B3GALT1: variants seen among roughly 807,000 people sequenced by gnomAD.
B3GALT1 encodes beta-1,3-galactosyltransferase 1.
Under a neutral mutation model 23.2 loss-of-function variants are expected in B3GALT1, and 10 were observed. That is an observed-to-expected ratio of 0.43 (90% CI 0.27 to 0.73). B3GALT1 has a LOEUF of 0.73. Ranked by LOEUF, B3GALT1 falls within the 30% of genes least tolerant of loss-of-function variation. B3GALT1 has a pLI of 0.21. For synonymous variants in B3GALT1, 156 were observed against 141.5 expected (o/e 1.10, Z -0.73); for missense variants, 299 against 405.4 (o/e 0.74, Z 2.25).
intron 1 of B3GALT1, among the ~76,000 whole-genome samples, chr2:167,422,549 G>T (rs535312196): frequency 2.0e-5 from 3 of 152,278 alleles, no homozygotes; most frequent in East Asian, 3.9e-4. Flanking sequence ...TCTCTGCAGT[G>T]CAGGGCTCGC....
intron 3 of B3GALT1, among the ~76,000 whole-genome samples, chr2:167,653,344 C>T (rs987584882): frequency 4.6e-5 from 7 of 152,124 alleles, no homozygotes; most frequent in Admixed American, 2.6e-4. Context: ...TAATTTTAGT[C>T]TTCGGACTTA....
chr2:167,728,939 C>CT (rs920735094), intron 3 of B3GALT1, among the ~76,000 whole-genome samples: 32 of 152,096 alleles, frequency 2.1e-4, no homozygotes, highest in African/African-American at 6.8e-4. Context: ...AATGGAAATG[C>CT]TTTTTTTATC....
chr2:167,306,068 G>T (rs140244771), intron 1 of B3GALT1, among the ~76,000 whole-genome samples: 1 of 151,886 alleles, frequency 6.6e-6, no homozygotes, highest in African/African-American at 2.4e-5. Flanking sequence ...ACTGTCTAAT[G>T]CATTAATACT....
intron 3 of B3GALT1, among the ~76,000 whole-genome samples, chr2:167,677,457 T>C (rs952948573): frequency 2.0e-5 from 3 of 152,350 alleles, no homozygotes; most frequent in Admixed American, 1.3e-4. Flanking sequence ...CTCTAACCTT[T>C]TCTTCACAGT....
intron 2 of B3GALT1, among the ~76,000 whole-genome samples, chr2:167,512,135 A>G (rs562845722): frequency 6.6e-6 from 1 of 152,316 alleles, no homozygotes; most frequent in East Asian, 1.9e-4. Context: ...CAGTAAAAGT[A>G]TAATTTGAAG....
At chr2:167,608,796 A>G (rs10187562) in intron 2 of B3GALT1, among the ~76,000 whole-genome samples, 6,271 of 152,198 alleles carry the variant, frequency 0.041, 460 homozygotes, top group African/African-American at 0.14. Flanking sequence ...GAATTTTCCA[A>G]TTGTTTTTGG....
At chr2:167,310,522 A>T (rs906766709) in intron 1 of B3GALT1, among the ~76,000 whole-genome samples, 11 of 152,098 alleles carry the variant, frequency 7.2e-5, no homozygotes, top group Non-Finnish European at 1.2e-4. Flanking sequence ...AAAATCTTCC[A>T]GGCAGGGTTT....
At chr2:167,859,813 A>T (rs996401795) in intron 4 of B3GALT1, among the ~76,000 whole-genome samples, 1 of 152,202 alleles carries the variant, frequency 6.6e-6, no homozygotes, top group Non-Finnish European at 1.5e-5. Context: ...TCTAAGGCAG[A>T]GGAGTCAGAA....
intron 3 of B3GALT1, among the ~76,000 whole-genome samples, chr2:167,729,483 TG>T (rs1429995190): frequency 6.6e-6 from 1 of 152,194 alleles, no homozygotes; most frequent in East Asian, 1.9e-4. Flanking sequence ...TTCATAATTA[TG>T]GAAAGGCGAT....
At chr2:167,408,015 GACACACACACACACACACACACACAC>G (rs56318085) in intron 1 of B3GALT1, among the ~76,000 whole-genome samples, 51 of 129,738 alleles carry the variant, frequency 3.9e-4, no homozygotes, top group Admixed American at 9.9e-4. Flanking sequence ...AGCAGGCAAA[GACACACACACACACACACACACACAC>G]ACACACACAC....
At chr2:167,501,120 A>G (rs573086230) in intron 2 of B3GALT1, among the ~76,000 whole-genome samples, 1 of 152,140 alleles carries the variant, frequency 6.6e-6, no homozygotes, top group African/African-American at 2.4e-5. Flanking sequence ...AAAAATGACT[A>G]TTCTTTTAAC....
intron 2 of B3GALT1, among the ~76,000 whole-genome samples, chr2:167,642,602 C>T (rs1685672325): frequency 1.3e-5 from 2 of 152,104 alleles, no homozygotes; most frequent in East Asian, 1.9e-4. Context: ...TTATGCTGGG[C>T]GCAGTGGCTC....
At chr2:167,623,299 C>T (rs986701156) in intron 2 of B3GALT1, among the ~76,000 whole-genome samples, 2 of 152,114 alleles carry the variant, frequency 1.3e-5, no homozygotes, top group South Asian at 2.1e-4. Flanking sequence ...AATCATTCTA[C>T]TATAAAGACA....
intron 1 of B3GALT1, among the ~76,000 whole-genome samples, chr2:167,485,639 G>A (rs758408081): frequency 1.3e-5 from 2 of 152,156 alleles, no homozygotes; most frequent in Non-Finnish European, 2.9e-5. Context: ...GAATGGCCGT[G>A]TGTCCTTAGT....
At chr2:167,767,458 T>G (rs1012823756) in intron 3 of B3GALT1, among the ~76,000 whole-genome samples, 2 of 152,232 alleles carry the variant, frequency 1.3e-5, no homozygotes, top group Admixed American at 6.5e-5. Flanking sequence ...TTTAGCAGAA[T>G]TCATGTTTCT....
chr2:167,698,230 T>A (rs1020053656), intron 3 of B3GALT1, among the ~76,000 whole-genome samples: 26 of 152,192 alleles, frequency 1.7e-4, no homozygotes, highest in African/African-American at 5.5e-4. Flanking sequence ...ATTTTGTTTA[T>A]AAGCAACTCA....
chr2:167,558,872 G>A (rs1400794981), intron 2 of B3GALT1, among the ~76,000 whole-genome samples: 2 of 152,170 alleles, frequency 1.3e-5, no homozygotes, highest in African/African-American at 4.8e-5. Flanking sequence ...CTCCACCTCT[G>A]GGGGCAGGGC....
intron 2 of B3GALT1, among the ~76,000 whole-genome samples, chr2:167,551,532 G>C (rs1007671403): frequency 6.6e-6 from 1 of 151,858 alleles, no homozygotes; most frequent in Non-Finnish European, 1.5e-5. Context: ...GTGTAGACTT[G>C]TGCAGTTTGT....
intron 3 of B3GALT1, among the ~76,000 whole-genome samples, chr2:167,674,290 G>A (rs1450912807): frequency 1.3e-5 from 2 of 152,060 alleles, no homozygotes; most frequent in Non-Finnish European, 2.9e-5. Flanking sequence ...GCTTATTAAT[G>A]GAAAGTTAAT....
Sources: gnomAD v4.1 joint callset for allele counts (sites outside exome capture counted in the v4.1 genomes callset) on GRCh38, gnomAD v4.1.1 for gene constraint, MANE v1.5 for transcripts, NCBI Gene and HGNC (gene_info 2026-07-23, HGNC 2026-07-21) for gene names.